The following PCDHGB1 variants were observed in gnomAD, a reference collection of about 807,000 sequenced individuals.
PCDHGB1 encodes the protein protocadherin gamma-B1.
In PCDHGB1, 34 loss-of-function variants were observed where a neutral mutation model predicts 56.6. The observed-to-expected ratio is 0.60, with a 90% CI of 0.46 to 0.80. The LOEUF is 0.80. PCDHGB1 is among the 30% of genes least tolerant of loss of function. PCDHGB1 has a pLI of 0.00. For missense variants in PCDHGB1, 1,278 were observed against 1,204.6 expected, an observed-to-expected ratio of 1.06 and a Z score of -0.90; for synonymous variants, 561 against 505.9, an observed-to-expected ratio of 1.11 and a Z score of -1.46.
In PCDHGB1 at chr5:141,374,652, A is replaced by C. The variant is rs947408708; in HGVS notation, c.2409+21983A>C. Reference sequence around the variant, plus strand: ...GTGCAAAGCGAAGCCCATGGGCCCAAGTACCCGGAGCTGGTGCTGGAGGGC... The same window carrying C: ...GTGCAAAGCGAAGCCCATGGGCCCACGTACCCGGAGCTGGTGCTGGAGGGC... On this transcript the variant is annotated intron_variant, in intron 1 of 3. Coordinates refer to ENST00000523390, the MANE Select transcript of PCDHGB1 (RefSeq NM_018922.3). 1.2e-6 allele frequency: 2 copies of C among 1,612,302 alleles called. No homozygotes were observed.
chr5:141,353,634 C>T (rs909718764), intron 1 of PCDHGB1, among the ~76,000 whole-genome samples: 1 of 152,114 alleles, frequency 6.6e-6, no homozygotes, highest in Non-Finnish European at 1.5e-5. Context: ...TATGCTCTTT[C>T]TATTTTGTCT....
At chr5:141,393,142 T>C in intron 1 of PCDHGB1, 1 of 1,613,286 alleles carries the variant, frequency 6.2e-7, no homozygotes, top group Non-Finnish European at 8.5e-7. Flanking sequence ...AACACCCTGG[T>C]TGAGGATAAA....
In PCDHGB1 at chr5:141,352,148, G is replaced by T. The variant is rs777837262; in HGVS notation, c.1888G>T (p.Asp630Tyr). Residue 630 changes from aspartate (D) to tyrosine (Y), a missense_variant, in exon 1 of 4, where the codon GAC becomes TAC. Physicochemically the swap from Asp to Tyr is radical, Grantham distance 160. Transcript: ENST00000523390. ...GGTGCGCACAGCGCGTGCCTTGGGC[G>T]ACAGGGACGCGGCCCGCCAGCGCCT... is the stretch of plus-strand genomic sequence containing the variant. ...GEVRTARALG[D>Y]RDAARQRLLV... The T allele has an allele frequency of 5.0e-6, 8 of 1,612,336 alleles. No individual in the cohort carries two copies. The highest frequency in any genetic ancestry group is 1.3e-5 in the African/African-American group (1 of 74,908).
At chr5:141,456,701 G>C (rs370086323) in intron 1 of PCDHGB1, among the ~76,000 whole-genome samples, 1 of 151,988 alleles carries the variant, frequency 6.6e-6, no homozygotes. Flanking sequence ...GTGGTGGCTC[G>C]CGCCTGTAAT....
intron 3 of PCDHGB1, among the ~76,000 whole-genome samples, chr5:141,505,868 G>T (rs2099848820): frequency 6.6e-6 from 1 of 152,170 alleles, no homozygotes; most frequent in Admixed American, 6.5e-5. Context: ...GGACCCCAAA[G>T]GGTTGTTGTA....
intron 1 of PCDHGB1, chr5:141,362,629 G>C: frequency 1.3e-6 from 2 of 1,492,810 alleles, no homozygotes; most frequent in Non-Finnish European, 1.8e-6. Flanking sequence ...GTTCCACTGC[G>C]TATTTCTTTG....
Position 141,486,695 on chromosome 5 carries a change from A to T in PCDHGB1, c.2410-8112A>T. On this transcript the variant is annotated intron_variant, in intron 1 of 3. Coordinates refer to ENST00000523390, the MANE Select transcript of PCDHGB1 (RefSeq NM_018922.3). The surrounding 1 kb of genome is among the most constrained non-coding windows in gnomAD (Gnocchi z 5.0). ...TCGAGATGTATCAGCTTCCTCTTTC[A>T]TCTCTCTGAACCCCCAGACAGGAGC... The T allele has an allele frequency of 6.2e-7, 1 of 1,613,912 alleles. No homozygotes were observed. The highest frequency in any genetic ancestry group is 8.5e-7 in the Non-Finnish European group (1 of 1,179,980).
chr5:141,413,111 AG>A lies in PCDHGB1; in HGVS notation c.2409+60444del, dbSNP rs962952666. ...ACACCCTGAAGCCACAGAAAGACAA[AG>A]GAACCGGTTGAAACACACAACGTGT... On this transcript the variant is annotated intron_variant, in intron 1 of 3. Transcript: ENST00000523390. 4.7e-6 allele frequency: 7 copies of A among 1,499,852 alleles called. No individual in the cohort carries two copies. In the African/African-American group the frequency reaches 8.4e-5, roughly 18 times the overall value. 92.9% of individuals were successfully genotyped at this position (1,499,852 alleles called of 1,614,324 possible). A position where few individuals can be genotyped will look rare whatever the true frequency, so the allele number is the denominator to read the frequency against.
At position 141,486,090 on chromosome 5, in the gene PCDHGB1, G is replaced by C. The variant is rs190955361; in HGVS notation, c.2410-8717G>C. On this transcript the variant is annotated intron_variant, in intron 1 of 3. Transcript: ENST00000523390. The surrounding 1 kb of genome is among the most constrained non-coding windows in gnomAD (Gnocchi z 5.0). ...ACTACTGGAAAGCTTACTCTTTTGG[G>C]GCCCCTAGACTTTGAGAGTGAGAAT... 4 of 1,614,086 alleles carry C rather than the reference G, an allele frequency of 2.5e-6. No individual in the cohort carries two copies. The Admixed American group carries it at 6.7e-5, about 27-fold the overall frequency.
At chr5:141,509,872 G>A (rs968745661) in intron 3 of PCDHGB1, among the ~76,000 whole-genome samples, 1 of 152,166 alleles carries the variant, frequency 6.6e-6, no homozygotes, top group Non-Finnish European at 1.5e-5. Context: ...CCAAGCTGCT[G>A]GTGGTGATGG....
At position 141,418,010 on chromosome 5, in the gene PCDHGB1, G is replaced by T. The variant is rs185303697; in HGVS notation, c.2409+65341G>T. Reference sequence around the variant, plus strand: ...CAAGGGCTCGGTGGTGGGGAACCTCGCTAAGGATCTAGGGCTTAGTGTCCT... The same window carrying T: ...CAAGGGCTCGGTGGTGGGGAACCTCTCTAAGGATCTAGGGCTTAGTGTCCT... On this transcript the variant is annotated intron_variant, in intron 1 of 3. Coordinates refer to ENST00000523390, the MANE Select transcript of PCDHGB1 (RefSeq NM_018922.3). 2.9e-5 allele frequency: 46 copies of T among 1,613,912 alleles called. No individual in the cohort carries two copies. The Middle Eastern group carries it at 5.0e-4, about 17-fold the overall frequency.
Position 141,384,271 on chromosome 5 carries a change from T to G in PCDHGB1, c.2409+31602T>G, listed in dbSNP as rs763450732. On this transcript the variant is annotated intron_variant, in intron 1 of 3. Coordinates refer to ENST00000523390, the MANE Select transcript of PCDHGB1 (RefSeq NM_018922.3). ...ACCCACCTTCCCCCACTCATCCTAC[T>G]CAGTCTACATCGCTGAGAACAACCC... is the stretch of plus-strand genomic sequence containing the variant. The G allele has an allele frequency of 4.0e-5, 65 of 1,613,734 alleles. No individual in the cohort carries two copies. The Admixed American group carries it at 5.7e-4, about 14-fold the overall frequency.
At chr5:141,364,201 G>C (rs1199932362) in intron 1 of PCDHGB1, 1 of 1,146,160 alleles carries the variant, frequency 8.7e-7, no homozygotes, top group Admixed American at 3.2e-5. Context: ...ACACAGACCA[G>C]ACAAGCTCCT....
intron 1 of PCDHGB1, chr5:141,427,790 C>A: frequency 1.3e-6 from 2 of 1,482,222 alleles, no homozygotes; most frequent in Non-Finnish European, 1.9e-6. Context: ...TGTCGTCCTA[C>A]GTGTCCGTGA....
intron 1 of PCDHGB1, among the ~76,000 whole-genome samples, chr5:141,471,163 G>GC (rs202115056): frequency 0.11 from 16,237 of 150,562 alleles, 892 homozygotes; most frequent in South Asian, 0.15. Context: ...GATTCTCCTG[G>GC]CTCAGCCTCC....
intron 1 of PCDHGB1, among the ~76,000 whole-genome samples, chr5:141,460,407 TTG>T: frequency 6.6e-6 from 1 of 152,188 alleles, no homozygotes; most frequent in Non-Finnish European, 1.5e-5. Flanking sequence ...TCCTTTTGAG[TTG>T]ATGTTTATGT....
At chr5:141,405,931 C>CT (rs1439525242) in intron 1 of PCDHGB1, among the ~76,000 whole-genome samples, 2 of 152,062 alleles carry the variant, frequency 1.3e-5, no homozygotes, top group Non-Finnish European at 2.9e-5. Context: ...GCTGATATAA[C>CT]TTTCATGTTC....
At chr5:141,510,431 G>A (rs912708135) in intron 3 of PCDHGB1, among the ~76,000 whole-genome samples, 9 of 152,132 alleles carry the variant, frequency 5.9e-5, no homozygotes, top group African/African-American at 1.9e-4. Flanking sequence ...TTTCATGGCT[G>A]CTGCCCTCCA....
At chr5:141,384,945 C>T in intron 1 of PCDHGB1, 2 of 1,614,120 alleles carry the variant, frequency 1.2e-6, no homozygotes, top group Non-Finnish European at 1.7e-6. Context: ...AGCCCTCCGA[C>T]GGTCCTTACA....
Sources: gnomAD v4.1 joint callset for allele counts (sites outside exome capture counted in the v4.1 genomes callset) on GRCh38, gnomAD v4.1.1 for gene constraint, Gnocchi (gnomAD v3.1) non-coding constraint, MANE v1.5 for transcripts, NCBI Gene and HGNC (gene_info 2026-07-23, HGNC 2026-07-21) for gene names.